MICU1: variants seen among roughly 807,000 people sequenced by gnomAD.
The protein encoded by MICU1 is mitochondrial calcium uptake 1.
Under a neutral mutation model 56.8 loss-of-function variants are expected in MICU1, and 45 were observed. That is an observed-to-expected ratio of 0.79 (90% CI 0.62 to 1.02). The LOEUF is 1.02. Among genes scored for constraint, MICU1 ranks in the 50% least tolerant of loss-of-function variants. The probability of loss-of-function intolerance (pLI) is 0.00; values close to 1 mark genes in which losing one functional copy is unlikely to be tolerated. For missense variants in MICU1, 504 were observed against 587.1 expected (o/e 0.86, Z 1.46); for synonymous variants, 186 against 195.1 (o/e 0.95, Z 0.39).
At chr10:72,430,531 C>T (rs1864491679) in intron 8 of MICU1, among the ~76,000 whole-genome samples, 2 of 152,044 alleles carry the variant, frequency 1.3e-5, no homozygotes, top group South Asian at 4.1e-4. Flanking sequence ...CATTTGAAGC[C>T]CATGCCCTGC....
chr10:72,420,449 C>CT (rs1376732386), intron 9 of MICU1, among the ~76,000 whole-genome samples: 11 of 152,134 alleles, frequency 7.2e-5, no homozygotes, highest in African/African-American at 2.7e-4. Context: ...AACCTCTTTC[C>CT]TTTATACATT....
At chr10:72,485,000 T>A (rs182169266) in intron 6 of MICU1, among the ~76,000 whole-genome samples, 1 of 152,154 alleles carries the variant, frequency 6.6e-6, no homozygotes, top group East Asian at 1.9e-4. Context: ...AAGGGCAGAA[T>A]TGAGTAGTTG....
chr10:72,438,521 T>A (rs2132175079), intron 8 of MICU1, among the ~76,000 whole-genome samples: 1 of 152,048 alleles, frequency 6.6e-6, no homozygotes. Context: ...ATTCAAAAGC[T>A]AGCAGAAGGC....
At chr10:72,379,650 G>A (rs555855870) in intron 10 of MICU1, 1 of 371,654 alleles carries the variant, frequency 2.7e-6, no homozygotes, top group African/African-American at 2.1e-5. Context: ...AATTTCTAAT[G>A]AGAGGCTCAT....
chr10:72,443,263 G>A (rs1480118108), intron 8 of MICU1, among the ~76,000 whole-genome samples: 2 of 152,010 alleles, frequency 1.3e-5, no homozygotes, highest in Non-Finnish European at 2.9e-5. Context: ...GTAGATTCTG[G>A]ATATTAGCCC....
chr10:72,443,842 T>C (rs1324145853), intron 8 of MICU1, among the ~76,000 whole-genome samples: 1 of 151,684 alleles, frequency 6.6e-6, no homozygotes, highest in Non-Finnish European at 1.5e-5. Flanking sequence ...GAACTAGAAA[T>C]ACCATTTGAC....
intron 11 of MICU1, among the ~76,000 whole-genome samples, chr10:72,374,096 G>C (rs80175629): frequency 0.023 from 3,570 of 152,222 alleles, 125 homozygotes; most frequent in African/African-American, 0.083. Context: ...GGTTTTGTAG[G>C]TATAGGCTGG....
At chr10:72,379,001 T>C (rs1268632605) in intron 10 of MICU1, among the ~76,000 whole-genome samples, 2 of 151,988 alleles carry the variant, frequency 1.3e-5, no homozygotes, top group Non-Finnish European at 2.9e-5. Flanking sequence ...AAGTATAAGA[T>C]ATTGTGGTGG....
At chr10:72,481,436 G>C (rs559238302) in intron 6 of MICU1, among the ~76,000 whole-genome samples, 103 of 152,158 alleles carry the variant, frequency 6.8e-4, no homozygotes, top group African/African-American at 2.3e-3. Flanking sequence ...TTTTGAGACT[G>C]AATCTTGCTC....
intron 1 of MICU1, among the ~76,000 whole-genome samples, chr10:72,567,851 C>A (rs868708381): frequency 9.2e-5 from 14 of 152,184 alleles, no homozygotes; most frequent in African/African-American, 3.4e-4. Flanking sequence ...TCTCTACTGA[C>A]AAAGTTTAAC....
At position 72,475,309 on chromosome 10, in the gene MICU1, T is replaced by A; in HGVS notation, c.736-12A>T. 6.3e-7 allele frequency: 1 copy of A among 1,575,052 alleles called. No individual in the cohort carries two copies. Among genetic ancestry groups the A allele is most frequent in the Non-Finnish European group, 8.6e-7 (1 of 1,159,156 alleles). ...ATGATGCTCTGAACCTAATACAGAATCAAACCCACATCCAGAAAAATATTA... is the reference window on the plus strand; with the variant it reads ...ATGATGCTCTGAACCTAATACAGAAACAAACCCACATCCAGAAAAATATTA... On this transcript the variant is annotated splice_polypyrimidine_tract_variant and intron_variant, in intron 7 of 11. Coordinates refer to ENST00000361114, the MANE Select transcript of MICU1 (RefSeq NM_001195518.2).
intron 1 of MICU1, among the ~76,000 whole-genome samples, chr10:72,594,376 C>A (rs978799287): frequency 6.6e-6 from 1 of 151,680 alleles, no homozygotes; most frequent in Admixed American, 6.6e-5. Context: ...TGAACCCTTA[C>A]TTAACACCAC....
At chr10:72,511,215 C>T (rs1374175652) in intron 5 of MICU1, among the ~76,000 whole-genome samples, 1 of 152,110 alleles carries the variant, frequency 6.6e-6, no homozygotes, top group Admixed American at 6.6e-5. Context: ...TTTAGGTTCA[C>T]CATGTTGTAG....
At chr10:72,512,097 GTTGTTTTTTGTT>G (rs1335245144) in intron 5 of MICU1, among the ~76,000 whole-genome samples, 6 of 100,690 alleles carry the variant, frequency 6.0e-5, no homozygotes, top group African/African-American at 2.5e-4. Flanking sequence ...TCCATACACA[GTTGTTTTTTGTT>G]TTTTTTTTTT....
intron 1 of MICU1, among the ~76,000 whole-genome samples, chr10:72,584,927 T>C (rs1841005311): frequency 6.6e-6 from 1 of 152,034 alleles, no homozygotes; most frequent in Non-Finnish European, 1.5e-5. Flanking sequence ...GTTTAAACAC[T>C]GCTCCAAAGG....
intron 1 of MICU1, among the ~76,000 whole-genome samples, chr10:72,568,691 C>T (rs899381459): frequency 2.2e-4 from 34 of 151,532 alleles, no homozygotes; most frequent in African/African-American, 8.2e-4. Context: ...TTGTTTGTTG[C>T]CCCATCAATA....
chr10:72,448,191 A>ATTTTT lies in MICU1; in HGVS notation c.934-24821_934-24820insAAAAA, dbSNP rs879641500. ...TGTGTGTGTATATATATATATATAT[A>ATTTTT]TATTTTTTTTTTTTTTTTTTTTTTT... On this transcript the variant is annotated intron_variant, in intron 8 of 11. Transcript: ENST00000361114. Among the ~76,000 whole-genome samples the ATTTTT allele has an allele frequency of 3.7e-3, 146 of 39,450 alleles. 1 individual carries two copies. Among genetic ancestry groups the ATTTTT allele is most frequent in the Non-Finnish European group, 7.1e-3 (122 of 17,210 alleles). The allele number at this position is 39,450 out of a possible 152,430, so 25.9% of individuals were successfully genotyped here. A position where few individuals can be genotyped will look rare whatever the true frequency, so the allele number is the denominator to read the frequency against.
chr10:72,439,385 C>G (rs1415768488), intron 8 of MICU1, among the ~76,000 whole-genome samples: 1 of 152,108 alleles, frequency 6.6e-6, no homozygotes. Context: ...AAACTAGGTA[C>G]TGATGGACCG....
chr10:72,490,021 A>G (rs868737303), intron 6 of MICU1, among the ~76,000 whole-genome samples: 2 of 152,240 alleles, frequency 1.3e-5, no homozygotes, highest in African/African-American at 4.8e-5. Context: ...ATTTTTTAGT[A>G]TGTAAAGCTG....
Sources: gnomAD v4.1 joint callset for allele counts (sites outside exome capture counted in the v4.1 genomes callset) on GRCh38, gnomAD v4.1.1 for gene constraint, MANE v1.5 for transcripts, NCBI Gene and HGNC (gene_info 2026-07-23, HGNC 2026-07-21) for gene names.